The following MTUS2 variants were observed in gnomAD, a reference collection of about 807,000 sequenced individuals.
MTUS2 encodes the protein microtubule associated scaffold protein 2.
A neutral mutation model predicts 114.1 loss-of-function variants in MTUS2; 40 were observed. The observed-to-expected ratio is 0.35, with a 90% CI of 0.27 to 0.46. The LOEUF (loss-of-function observed/expected upper bound fraction) is 0.46, where lower values mean the gene tolerates loss of function less well. MTUS2 is among the 20% of genes least tolerant of loss of function. MTUS2 has a pLI of 1.00. For missense variants in MTUS2, 1,679 were observed against 1,705.4 expected (o/e 0.98, Z 0.27); for synonymous variants, 688 against 672.0 (o/e 1.02, Z -0.37).
At chr13:29,085,951 T>G (rs144271608) in intron 4 of MTUS2, among the ~76,000 whole-genome samples, 138 of 152,260 alleles carry the variant, frequency 9.1e-4, no homozygotes, top group African/African-American at 3.2e-3. Flanking sequence ...ATCTGTTATT[T>G]ACTGATTTTT....
At chr13:29,391,972 A>T (rs1873514847) in intron 8 of MTUS2, among the ~76,000 whole-genome samples, 1 of 151,644 alleles carries the variant, frequency 6.6e-6, no homozygotes. Flanking sequence ...TGTCTCTACT[A>T]AAAAAAATTA....
chr13:29,270,764 A>T (rs980687699), intron 5 of MTUS2, among the ~76,000 whole-genome samples: 8 of 152,132 alleles, frequency 5.3e-5, no homozygotes, highest in Non-Finnish European at 1.2e-4. Context: ...GCTGCTCCTT[A>T]TCCTGCATCT....
rs757997042 is a variant in MTUS2, at chr13:29,025,852, A to T, written c.1154A>T (p.Asn385Ile). 49 of 1,613,358 alleles carry T rather than the reference A, an allele frequency of 3.0e-5. No homozygotes were observed. The African/African-American group carries it at 6.3e-4, about 21-fold the overall frequency. ...RGNCEEKRGV[N>I]PGEQDSLHTT... ...AACTGTGAAGAGAAGAGAGGAGTCA[A>T]CCCAGGGGAGCAGGATTCTCTCCAC... is the stretch of plus-strand genomic sequence containing the variant. Residue 385 changes from asparagine (N) to isoleucine (I), a missense_variant, in exon 3 of 16, where the codon AAC (asparagine) becomes ATC (isoleucine). Physicochemically the swap from Asn to Ile is moderately radical, Grantham distance 149 (BLOSUM62 -3). Around this residue, in one of 3 missense-constraint regions of MTUS2, gnomAD observed 843 missense variants for 770.8 expected, o/e 1.09. Transcript: ENST00000612955.
chr13:28,969,497 A>T (rs973526178), intron 2 of MTUS2, among the ~76,000 whole-genome samples: 26 of 151,770 alleles, frequency 1.7e-4, no homozygotes, highest in African/African-American at 6.3e-4. Context: ...TGCACTATTT[A>T]TTTTATTTAT....
chr13:28,898,749 A>T (rs550330405), intron 2 of MTUS2, among the ~76,000 whole-genome samples: 1 of 152,342 alleles, frequency 6.6e-6, no homozygotes, highest in African/African-American at 2.4e-5. Flanking sequence ...TTGTGGAGAC[A>T]TTAATATTTT....
At chr13:29,181,101 C>T (rs774854914) in intron 5 of MTUS2, among the ~76,000 whole-genome samples, 5 of 151,856 alleles carry the variant, frequency 3.3e-5, no homozygotes, top group South Asian at 2.1e-4. Flanking sequence ...AAAGCCTTGG[C>T]GAATGAGCGT....
chr13:29,067,952 AATTG>A (rs1376156362), intron 4 of MTUS2, among the ~76,000 whole-genome samples: 1 of 58,534 alleles, frequency 1.7e-5, no homozygotes, highest in African/African-American at 7.8e-5. Flanking sequence ...AAAAACAATT[AATTG>A]ATTGGCATCA....
intron 9 of MTUS2, among the ~76,000 whole-genome samples, chr13:29,456,699 A>G (rs2138766821): frequency 6.6e-6 from 1 of 152,296 alleles, no homozygotes; most frequent in African/African-American, 2.4e-5. Flanking sequence ...AGGCAGTGGA[A>G]TGACATTTGT....
chr13:29,187,931 A>G (rs781314253), intron 5 of MTUS2, among the ~76,000 whole-genome samples: 3 of 152,194 alleles, frequency 2.0e-5, no homozygotes, highest in African/African-American at 2.4e-5. Context: ...CCTTGTTTCA[A>G]CAATGAAACA....
intron 8 of MTUS2, among the ~76,000 whole-genome samples, chr13:29,391,474 T>C (rs1873455964): frequency 1.3e-5 from 2 of 152,052 alleles, no homozygotes; most frequent in South Asian, 4.1e-4. Flanking sequence ...TCCACTGGAG[T>C]AAGGAGCTGC....
At chr13:28,885,825 C>T (rs1420854792) in intron 2 of MTUS2, among the ~76,000 whole-genome samples, 3 of 152,164 alleles carry the variant, frequency 2.0e-5, no homozygotes, top group South Asian at 2.1e-4. Flanking sequence ...CAAAACAGAT[C>T]AAAATCAAGG....
At chr13:28,875,059 A>C (rs2138115113) in intron 2 of MTUS2, among the ~76,000 whole-genome samples, 1 of 152,366 alleles carries the variant, frequency 6.6e-6, no homozygotes, top group South Asian at 2.1e-4. Flanking sequence ...AGCACCAGCT[A>C]GCACAGTACT....
At chr13:29,130,188 T>G (rs1419318467) in intron 5 of MTUS2, among the ~76,000 whole-genome samples, 2 of 149,448 alleles carry the variant, frequency 1.3e-5, no homozygotes, top group Non-Finnish European at 3.0e-5. Context: ...TGTCATTAAT[T>G]AACACGTTTA....
At chr13:29,112,270 C>A (rs75972424) in intron 5 of MTUS2, among the ~76,000 whole-genome samples, 4 of 151,928 alleles carry the variant, frequency 2.6e-5, no homozygotes, top group Non-Finnish European at 5.9e-5. Flanking sequence ...AGGAGACAGC[C>A]GGAGAAGGCT....
chr13:28,888,971 G>A (rs1878758483), intron 2 of MTUS2, among the ~76,000 whole-genome samples: 1 of 152,164 alleles, frequency 6.6e-6, no homozygotes, highest in African/African-American at 2.4e-5. Flanking sequence ...TTGTATGCTA[G>A]CATGAACCAT....
chr13:28,861,905 A>G (rs1877011497), intron 2 of MTUS2, among the ~76,000 whole-genome samples: 2 of 152,056 alleles, frequency 1.3e-5, no homozygotes, highest in Non-Finnish European at 2.9e-5. Context: ...GGGAACCCCC[A>G]TACGCTCCTT....
At chr13:28,926,136 G>T (rs1391168733) in intron 2 of MTUS2, among the ~76,000 whole-genome samples, 1 of 152,194 alleles carries the variant, frequency 6.6e-6, no homozygotes, top group African/African-American at 2.4e-5. Flanking sequence ...CTTCATGGCA[G>T]TCAAATTGGA....
At chr13:29,060,129 G>T (rs566158001) in intron 4 of MTUS2, among the ~76,000 whole-genome samples, 9 of 152,338 alleles carry the variant, frequency 5.9e-5, no homozygotes, top group African/African-American at 1.9e-4. Context: ...TCTAGCAAGG[G>T]GGTGCAGCAG....
At chr13:29,351,178 C>T (rs1869233565) in intron 7 of MTUS2, among the ~76,000 whole-genome samples, 1 of 151,898 alleles carries the variant, frequency 6.6e-6, no homozygotes, top group Non-Finnish European at 1.5e-5. Context: ...CCAAGATCTT[C>T]ATTTCTTTTT....
Sources: allele counts gnomAD v4.1 joint callset (sites outside exome capture counted in the v4.1 genomes callset), GRCh38; gene constraint gnomAD v4.1.1; regional missense constraint gnomAD v4.1.1; transcripts MANE v1.5; gene names NCBI Gene and HGNC (gene_info 2026-07-23, HGNC 2026-07-21).